Variants in SCRG1 observed in about 807,000 individuals in gnomAD.
The protein encoded by SCRG1 is scrapie-responsive protein 1.
A neutral mutation model predicts 7.7 loss-of-function variants in SCRG1; 3 were observed. The ratio of observed to expected loss-of-function variants is 0.39; its 90% confidence interval spans 0.18 to 1.01. The LOEUF (loss-of-function observed/expected upper bound fraction) is 1.01, where lower values mean the gene tolerates loss of function less well. SCRG1 is among the 50% of genes least tolerant of loss of function. SCRG1 has a pLI of 0.36. For missense variants in SCRG1, 110 were observed against 117.2 expected, an observed-to-expected ratio of 0.94 and a Z score of 0.28; for synonymous variants, 46 against 41.2, an observed-to-expected ratio of 1.12 and a Z score of -0.44.
chr4:173,517,594 T>C, the SCRG1 span, among the ~76,000 whole-genome samples: 2 of 152,188 alleles, frequency 1.3e-5, no homozygotes, highest in Admixed American at 1.3e-4. Flanking sequence ...TACACCAACC[T>C]GAGAAGAATC....
chr4:173,417,008 A>C, the SCRG1 span, among the ~76,000 whole-genome samples: 4 of 149,898 alleles, frequency 2.7e-5, no homozygotes, highest in Non-Finnish European at 5.9e-5. Context: ...ACATCTTCAC[A>C]CACACCCCAC....
the SCRG1 span, among the ~76,000 whole-genome samples, chr4:173,420,357 G>A: frequency 6.6e-6 from 1 of 152,192 alleles, no homozygotes; most frequent in African/African-American, 2.4e-5. Context: ...GAGGGAAAGG[G>A]TCTTGTGTGT....
chr4:173,483,714 T>TCA, the SCRG1 span, among the ~76,000 whole-genome samples: 3 of 8,938 alleles, frequency 3.4e-4, 1 homozygote, highest in African/African-American at 8.4e-4. Flanking sequence ...ATATGATATA[T>TCA]TATATTGTGA....
chr4:173,462,622 A>G, the SCRG1 span, among the ~76,000 whole-genome samples: 2 of 152,226 alleles, frequency 1.3e-5, no homozygotes, highest in African/African-American at 4.8e-5. Context: ...TGAAGGTACA[A>G]CACTGACTGG....
At chr4:173,430,052 G>A in the SCRG1 span, among the ~76,000 whole-genome samples, 1 of 151,812 alleles carries the variant, frequency 6.6e-6, no homozygotes, top group Admixed American at 6.6e-5. Context: ...TAATGGCCAT[G>A]AAAGTACAAG....
the SCRG1 span, among the ~76,000 whole-genome samples, chr4:173,439,005 G>C: frequency 4.6e-5 from 7 of 151,854 alleles, no homozygotes; most frequent in African/African-American, 1.7e-4. Context: ...TGGAATGTGT[G>C]CAGATGTGAT....
At chr4:173,511,268 G>A in the SCRG1 span, among the ~76,000 whole-genome samples, 37 of 152,142 alleles carry the variant, frequency 2.4e-4, no homozygotes, top group African/African-American at 8.0e-4. This position sits in a 1 kb window ranked among gnomAD's most constrained non-coding sequence, Gnocchi z 5.2. Context: ...GTGAGCCACC[G>A]CGCGCCGGGT....
At chr4:173,495,839 A>G in the SCRG1 span, among the ~76,000 whole-genome samples, 1 of 152,248 alleles carries the variant, frequency 6.6e-6, no homozygotes, top group Non-Finnish European at 1.5e-5. Context: ...ACTGCCTTCA[A>G]GAAACTCACA....
At chr4:173,498,697 C>A in the SCRG1 span, among the ~76,000 whole-genome samples, 1 of 152,070 alleles carries the variant, frequency 6.6e-6, no homozygotes, top group African/African-American at 2.4e-5. Context: ...AAACAGATCA[C>A]CTAGATTAAA....
At chr4:173,505,771 G>A in the SCRG1 span, among the ~76,000 whole-genome samples, 2 of 152,206 alleles carry the variant, frequency 1.3e-5, no homozygotes, top group Non-Finnish European at 2.9e-5. This position sits in a 1 kb window ranked among gnomAD's most constrained non-coding sequence, Gnocchi z 4.4. Flanking sequence ...GTGAAGCAAC[G>A]GCTGGGAGGT....
the SCRG1 span, among the ~76,000 whole-genome samples, chr4:173,502,318 G>A: frequency 6.6e-6 from 1 of 152,156 alleles, no homozygotes; most frequent in East Asian, 1.9e-4. This position sits in a 1 kb window ranked among gnomAD's most constrained non-coding sequence, Gnocchi z 4.6. Context: ...CAGGCAGGTG[G>A]GGGTAGTTTG....
the SCRG1 span, among the ~76,000 whole-genome samples, chr4:173,427,537 T>G: frequency 2.6e-5 from 4 of 152,210 alleles, no homozygotes; most frequent in Non-Finnish European, 5.9e-5. Context: ...GATCTTGAGA[T>G]AATAATTTCT....
At chr4:173,404,905 A>G (rs1045919337) in intron 1 of SCRG1, among the ~76,000 whole-genome samples, 1 of 152,102 alleles carries the variant, frequency 6.6e-6, no homozygotes, top group African/African-American at 2.4e-5. Flanking sequence ...ATAGTTTTTC[A>G]TTTACAGAAA....
chr4:173,396,796 T>C (rs1357229316), intron 1 of SCRG1, among the ~76,000 whole-genome samples: 1 of 150,100 alleles, frequency 6.7e-6, no homozygotes, highest in Non-Finnish European at 1.5e-5. Context: ...GGCTCACACC[T>C]GTAATCCCAG....
the SCRG1 span, among the ~76,000 whole-genome samples, chr4:173,418,297 G>A: frequency 2.0e-5 from 3 of 152,196 alleles, no homozygotes; most frequent in Non-Finnish European, 2.9e-5. Flanking sequence ...TTTCAGTGGT[G>A]TGGTTTGGTG....
the SCRG1 span, among the ~76,000 whole-genome samples, chr4:173,501,831 A>G: frequency 3.3e-5 from 5 of 152,290 alleles, no homozygotes; most frequent in African/African-American, 7.2e-5. This position sits in a 1 kb window ranked among gnomAD's most constrained non-coding sequence, Gnocchi z 5.1. Flanking sequence ...GGATACACAC[A>G]GGAACCACCG....
At chr4:173,417,600 C>CTCCTTCCTTCCTTCCT in the SCRG1 span, among the ~76,000 whole-genome samples, 6 of 151,514 alleles carry the variant, frequency 4.0e-5, no homozygotes, top group African/African-American at 1.2e-4. Flanking sequence ...CCCTCCCTCC[C>CTCCTTCCTTCCTTCCT]TCCTTCCTTC....
chr4:173,463,892 A>G, the SCRG1 span, among the ~76,000 whole-genome samples: 5 of 152,200 alleles, frequency 3.3e-5, no homozygotes, highest in Admixed American at 6.5e-5. Flanking sequence ...TGGATCAATC[A>G]AAAAGCAAAG....
chr4:173,484,128 T>TAATATATAATATAA, the SCRG1 span, among the ~76,000 whole-genome samples: 4 of 80,394 alleles, frequency 5.0e-5, no homozygotes, highest in Non-Finnish European at 8.2e-5. Flanking sequence ...ATACAATATA[T>TAATATATAATATAA]AATATATAAT....
Sources: gnomAD v4.1 joint callset for allele counts (sites outside exome capture counted in the v4.1 genomes callset) on GRCh38, gnomAD v4.1.1 for gene constraint, Gnocchi (gnomAD v3.1) non-coding constraint, MANE v1.5 for transcripts, NCBI Gene and HGNC (gene_info 2026-07-23, HGNC 2026-07-21) for gene names.